Variants in CCDC102B observed in about 807,000 individuals in gnomAD.
CCDC102B encodes the protein coiled-coil domain containing 102B, also known as coiled-coil domain-containing protein 102B.
A neutral mutation model predicts 57.4 loss-of-function variants in CCDC102B; 75 were observed. The ratio of observed to expected loss-of-function variants is 1.31; its 90% CI spans 1.08 to 1.58. The LOEUF (loss-of-function observed/expected upper bound fraction) is 1.58, where lower values mean the gene tolerates loss of function less well. Ranked by LOEUF, CCDC102B falls within the 40% of genes most tolerant of loss-of-function variation. The probability of loss-of-function intolerance (pLI) is 0.00; values close to 1 mark genes in which losing one functional copy is unlikely to be tolerated. For synonymous variants in CCDC102B, 206 were observed against 201.9 expected (o/e 1.02, Z -0.17); for missense variants, 636 against 582.6 (o/e 1.09, Z -0.94).
Position 68,890,593 on chromosome 18 carries a change from A to T in CCDC102B, c.1054-6626A>T, listed in dbSNP as rs187223941. On this transcript the variant is annotated intron_variant, in intron 5 of 7. Transcript: ENST00000360242. The stretch of plus-strand genomic sequence containing the variant: ...GTATAATGCACTCCCTTACCAAGAT[A>T]TGGAAGATTTTTTCCATCTTGAAAA... Among the ~76,000 whole-genome samples the T allele has an allele frequency of 1.2e-4, 18 of 152,326 alleles. No individual in the cohort carries two copies. The South Asian group carries it at 1.9e-3, about 16-fold the overall frequency.
rs183855822 is a variant in CCDC102B at position 68,773,207 on chromosome 18, G to A, written c.-66-50159G>A. 5.3e-5 allele frequency among the ~76,000 whole-genome samples: 8 copies of A among 152,076 alleles called. No individual in the cohort carries two copies. In the East Asian group the frequency reaches 1.5e-3, roughly 29 times the overall value. On this transcript the variant is annotated intron_variant, in intron 2 of 3. Transcript: ENST00000578970. Reference sequence around the variant, plus strand: ...TGCCAAGTCAAAAGAATCGGATTGAGTTCCTTCTTTTAGAGGATGTCAACA... The same window carrying A: ...TGCCAAGTCAAAAGAATCGGATTGAATTCCTTCTTTTAGAGGATGTCAACA...
chr18:68,921,354 C>G (rs943205573), intron 6 of CCDC102B, among the ~76,000 whole-genome samples: 2 of 152,098 alleles, frequency 1.3e-5, no homozygotes, highest in African/African-American at 4.8e-5. Flanking sequence ...CACAAGCTCT[C>G]TCTCTTTGCC....
At chr18:68,849,817 GTGATTACTGT>G (rs1189614107) in intron 4 of CCDC102B, among the ~76,000 whole-genome samples, 1 of 152,036 alleles carries the variant, frequency 6.6e-6, no homozygotes, top group African/African-American at 2.4e-5. Flanking sequence ...TACCCAATAG[GTGATTACTGT>G]TGACTCACAT....
At chr18:68,814,766 A>G (rs984770621) in intron 1 of CCDC102B, among the ~76,000 whole-genome samples, 1 of 152,068 alleles carries the variant, frequency 6.6e-6, no homozygotes, top group African/African-American at 2.4e-5. Context: ...AGTACAAATA[A>G]TAGCAACGAG....
intron 2 of CCDC102B, among the ~76,000 whole-genome samples, chr18:68,732,664 C>T (rs749449366): frequency 3.9e-5 from 6 of 152,096 alleles, no homozygotes; most frequent in Non-Finnish European, 8.8e-5. Flanking sequence ...AGGCTTTCTA[C>T]AGAAATGTCT....
At chr18:68,831,517 A>T (rs2037139508) in intron 1 of CCDC102B, among the ~76,000 whole-genome samples, 1 of 152,164 alleles carries the variant, frequency 6.6e-6, no homozygotes, top group Admixed American at 6.5e-5. Flanking sequence ...ATGCTTTTGG[A>T]AAGTAAAATA....
chr18:68,857,073 T>TTTCTTTTAA (rs2038428819), intron 4 of CCDC102B, among the ~76,000 whole-genome samples: 1 of 119,004 alleles, frequency 8.4e-6, no homozygotes, highest in African/African-American at 3.3e-5. Context: ...TTTTATATAT[T>TTTCTTTTAA]ATATATAAAT....
intron 7 of CCDC102B, among the ~76,000 whole-genome samples, chr18:69,052,184 C>T (rs2052723493): frequency 6.6e-6 from 1 of 151,446 alleles, no homozygotes; most frequent in African/African-American, 2.4e-5. Context: ...GAGTAATGAG[C>T]AAAAGGCCTG....
In CCDC102B at chr18:68,774,231, CCTAA is replaced by C. The variant is rs1249372081; in HGVS notation, c.-66-49132_-66-49129del. On this transcript the variant is annotated intron_variant, in intron 2 of 3. Coordinates refer to the CCDC102B transcript ENST00000578970. ...CTTTGATACTGGATTTGTCACTATT[CCTAA>C]CTTTTTTCACTTAACAAAACTAGAG... Among the ~76,000 whole-genome samples, 65 of 151,560 alleles carry C rather than the reference CCTAA, an allele frequency of 4.3e-4. 1 individual carries two copies. Among genetic ancestry groups the C allele is most frequent in the African/African-American group, 2.4e-5 (1 of 41,274 alleles).
intron 4 of CCDC102B, among the ~76,000 whole-genome samples, chr18:68,852,066 G>A (rs527943420): frequency 2.9e-4 from 44 of 152,126 alleles, no homozygotes; most frequent in African/African-American, 9.4e-4. Flanking sequence ...ACCATTCTTC[G>A]TGTTGAAAAG....
At chr18:68,808,081 A>G (rs907648016) in intron 1 of CCDC102B, among the ~76,000 whole-genome samples, 1 of 152,180 alleles carries the variant, frequency 6.6e-6, no homozygotes, top group Non-Finnish European at 1.5e-5. Context: ...CATATTATAG[A>G]TGTAACTTTC....
chr18:68,851,730 C>T (rs2038134308), intron 4 of CCDC102B, among the ~76,000 whole-genome samples: 1 of 152,018 alleles, frequency 6.6e-6, no homozygotes, highest in Non-Finnish European at 1.5e-5. Context: ...GAAAACAGCT[C>T]ATATTTAATT....
intron 7 of CCDC102B, among the ~76,000 whole-genome samples, chr18:69,026,027 A>G (rs2051979455): frequency 1.3e-5 from 2 of 152,154 alleles, no homozygotes; most frequent in African/African-American, 4.8e-5. Context: ...AAGTTTGTGC[A>G]CAATCCTTGT....
exon 1 of CCDC102B, chr18:68,715,273 T>G (rs2145169824): frequency 7.7e-7 from 1 of 1,294,540 alleles, no homozygotes; most frequent in East Asian, 3.7e-5. Flanking sequence ...GGAACCCTGC[T>G]TAAGGGCTTT....
At chr18:68,919,942 C>T (rs774199856) in intron 6 of CCDC102B, among the ~76,000 whole-genome samples, 17 of 151,896 alleles carry the variant, frequency 1.1e-4, no homozygotes, top group Admixed American at 3.9e-4. Context: ...GCAATGATGC[C>T]GTACCCCAAG....
chr18:68,817,166 A>G (rs2036517607), intron 1 of CCDC102B, among the ~76,000 whole-genome samples: 1 of 152,212 alleles, frequency 6.6e-6, no homozygotes, highest in Non-Finnish European at 1.5e-5. Context: ...AAAACACTTG[A>G]TTCACATTAC....
chr18:68,969,588 G>A (rs2050250031), intron 6 of CCDC102B, among the ~76,000 whole-genome samples: 1 of 150,004 alleles, frequency 6.7e-6, no homozygotes, highest in South Asian at 2.1e-4. Context: ...AATGCTTGTT[G>A]ATGTGATAGA....
At chr18:68,822,880 C>T (rs2036750250) in intron 1 of CCDC102B, among the ~76,000 whole-genome samples, 1 of 135,268 alleles carries the variant, frequency 7.4e-6, no homozygotes, top group Non-Finnish European at 1.6e-5. Context: ...GAGCCTAAGG[C>T]CAACCTGAGG....
chr18:68,897,157 TG>T, intron 5 of CCDC102B, 61 bp from the exon 6 acceptor site: 1 of 1,266,924 alleles, frequency 7.9e-7, no homozygotes, highest in Admixed American at 2.0e-5. Context: ...TGGTTGTGGG[TG>T]GCATTATCTT....
Sources: allele counts gnomAD v4.1 joint callset (sites outside exome capture counted in the v4.1 genomes callset), GRCh38; gene constraint gnomAD v4.1.1; transcripts MANE v1.5; gene names NCBI Gene and HGNC (gene_info 2026-07-23, HGNC 2026-07-21).